COBL: variants seen among roughly 807,000 people sequenced by gnomAD.
COBL encodes the protein protein cordon-bleu.
A neutral mutation model predicts 98.8 loss-of-function variants in COBL; 51 were observed. That is an observed-to-expected ratio of 0.52 (90% confidence interval 0.41 to 0.65). COBL has a LOEUF of 0.65. Among genes scored for constraint, COBL ranks in the 30% least tolerant of loss-of-function variants. The pLI, the probability that COBL is intolerant of heterozygous loss-of-function variation, is 0.00. For missense variants in COBL, 1,617 were observed against 1,617.5 expected, an observed-to-expected ratio of 1.00 and a Z score of 0.01; for synonymous variants, 634 against 651.7, an observed-to-expected ratio of 0.97 and a Z score of 0.41.
At chr7:51,117,254 CA>C (rs1262732843) in intron 6 of COBL, among the ~76,000 whole-genome samples, 1 of 151,902 alleles carries the variant, frequency 6.6e-6, no homozygotes, top group Non-Finnish European at 1.5e-5. Context: ...TTTTGTCTCA[CA>C]AAATGTAAAA....
At position 51,057,063 on chromosome 7, in the gene COBL, C is replaced by G. The variant is rs144741630; in HGVS notation, c.1097-13371G>C. 1.7e-3 allele frequency among the ~76,000 whole-genome samples: 264 copies of G among 152,354 alleles called. 1 individual carries two copies. Among genetic ancestry groups the G allele is most frequent in the Middle Eastern group, 6.8e-3 (2 of 294 alleles). On this transcript the variant is annotated intron_variant, in intron 7 of 12. Transcript: ENST00000265136. ...CTTCCCTTTTTCCAGTGGATCCACA[C>G]TGTCTCCTCCCCTGCCTGTGAGTCA...
chr7:51,243,876 C>T (rs1487465991), intron 1 of COBL, among the ~76,000 whole-genome samples: 1 of 152,114 alleles, frequency 6.6e-6, no homozygotes, highest in African/African-American at 2.4e-5. Flanking sequence ...GTGCCAGTGT[C>T]CTCTTCTTGG....
chr7:51,155,618 A>G (rs1786050789), intron 5 of COBL, among the ~76,000 whole-genome samples: 1 of 137,010 alleles, frequency 7.3e-6, no homozygotes, highest in African/African-American at 2.7e-5. Flanking sequence ...AAAAAAAAAA[A>G]GAAGACTGCA....
chr7:51,056,094 C>T (rs895597578), intron 7 of COBL, among the ~76,000 whole-genome samples: 2 of 151,914 alleles, frequency 1.3e-5, no homozygotes, highest in South Asian at 2.1e-4. Flanking sequence ...TAATTACTTG[C>T]GGAAACTATA....
At chr7:51,047,320 A>C (rs1412981672) in intron 7 of COBL, among the ~76,000 whole-genome samples, 3 of 152,192 alleles carry the variant, frequency 2.0e-5, no homozygotes. Context: ...CTCCACCTAA[A>C]TTATATAATC....
intron 7 of COBL, among the ~76,000 whole-genome samples, chr7:51,051,980 G>A (rs1290808870): frequency 6.6e-6 from 1 of 152,190 alleles, no homozygotes; most frequent in Admixed American, 6.5e-5. Flanking sequence ...TGGGCTTTAA[G>A]AGTAGTCTAA....
intron 1 of COBL, among the ~76,000 whole-genome samples, chr7:51,256,796 T>C (rs201850597): frequency 2.0e-5 from 3 of 152,244 alleles, no homozygotes; most frequent in East Asian, 1.9e-4. Context: ...TACCTCACTA[T>C]ATTGTTTTAC....
At chr7:51,267,731 G>A (rs1314075644) in intron 1 of COBL, among the ~76,000 whole-genome samples, 1 of 151,886 alleles carries the variant, frequency 6.6e-6, no homozygotes, top group African/African-American at 2.4e-5. Context: ...CTGCCACCAT[G>A]CCCAGCTAAG....
At chr7:51,283,563 C>T (rs1800000381) in intron 1 of COBL, among the ~76,000 whole-genome samples, 1 of 152,186 alleles carries the variant, frequency 6.6e-6, no homozygotes, top group Admixed American at 6.5e-5. Context: ...TGGCTCACTG[C>T]TGCCTGTGCC....
intron 1 of COBL, among the ~76,000 whole-genome samples, chr7:51,300,936 T>C (rs1178388449): frequency 1.3e-5 from 2 of 151,956 alleles, no homozygotes; most frequent in Admixed American, 6.6e-5. Context: ...GGGTCAGGAG[T>C]GTGCACTGGG....
intron 1 of COBL, among the ~76,000 whole-genome samples, chr7:51,249,269 GA>G (rs1796524298): frequency 6.6e-6 from 1 of 152,134 alleles, no homozygotes; most frequent in Non-Finnish European, 1.5e-5. Context: ...CAGAATCCTT[GA>G]AAGGGAAGGC....
chr7:51,042,900 C>T (rs1276893776), intron 8 of COBL, among the ~76,000 whole-genome samples: 1 of 152,126 alleles, frequency 6.6e-6, no homozygotes, highest in Non-Finnish European at 1.5e-5. Flanking sequence ...CTGGGGGGCC[C>T]GCCAACTGCA....
rs2129184561 is a variant in COBL, at chr7:51,288,820, TACTAGTCTTCAAGATGGATATCTATGG to T, written c.41+27746_41+27772del. Among the ~76,000 whole-genome samples the T allele has an allele frequency of 5.9e-5, 7 of 117,816 alleles. 2 individuals are homozygous for T. Among genetic ancestry groups the T allele is most frequent in the Admixed American group, 2.9e-4 (3 of 10,424 alleles). 77.3% of individuals were successfully genotyped at this position (117,816 alleles called of 152,430 possible). ...ATGGGAAATAAGAACTGAATTCAAA[TACTAGTCTTCAAGATGGATATCTATGG>T]AAATACTCTTCTACCTACTCAACTA... On this transcript the variant is annotated intron_variant, in intron 1 of 12. Transcript: ENST00000265136.
chr7:51,156,407 G>A, intron 5 of COBL: 16 of 985,282 alleles, frequency 1.6e-5, no homozygotes, highest in Non-Finnish European at 1.9e-5. Context: ...TCACCGAAGT[G>A]TCTCTTCTGA....
chr7:51,193,126 T>G (rs1385467379), intron 3 of COBL, among the ~76,000 whole-genome samples: 1 of 152,240 alleles, frequency 6.6e-6, no homozygotes, highest in Admixed American at 6.5e-5. Flanking sequence ...GTCTAATGGA[T>G]AGCTCCACTG....
chr7:51,035,276 C>G (rs1788525568), intron 8 of COBL: 1 of 152,052 alleles, frequency 6.6e-6, no homozygotes, highest in Non-Finnish European at 1.5e-5. Flanking sequence ...TGGGCTGAAT[C>G]TGACCAATCC....
At chr7:51,143,162 A>G (rs1395156671) in intron 5 of COBL, among the ~76,000 whole-genome samples, 1 of 152,098 alleles carries the variant, frequency 6.6e-6, no homozygotes, top group Admixed American at 6.5e-5. Flanking sequence ...AGCAGAGAAG[A>G]GCATCAGGGA....
At chr7:51,238,133 T>C (rs1184782698) in intron 1 of COBL, among the ~76,000 whole-genome samples, 1 of 152,228 alleles carries the variant, frequency 6.6e-6, no homozygotes, top group Non-Finnish European at 1.5e-5. Flanking sequence ...ACCAAGCGGC[T>C]TTGGGGGTCT....
chr7:51,292,669 CCT>C (rs1491537921), intron 1 of COBL, among the ~76,000 whole-genome samples: 1 of 152,242 alleles, frequency 6.6e-6, no homozygotes, highest in African/African-American at 2.4e-5. Flanking sequence ...TGAGCACTCC[CCT>C]GTGTGGAGGG....
Sources: allele counts gnomAD v4.1 joint callset (sites outside exome capture counted in the v4.1 genomes callset), GRCh38; gene constraint gnomAD v4.1.1; transcripts MANE v1.5; gene names NCBI Gene and HGNC (gene_info 2026-07-23, HGNC 2026-07-21).